The following GRIK4 variants were observed in gnomAD, a reference collection of about 807,000 sequenced individuals.
GRIK4 encodes glutamate ionotropic receptor kainate type subunit 4, also known as glutamate receptor ionotropic, kainate 4.
Under a neutral mutation model 104.9 loss-of-function variants are expected in GRIK4, and 40 were observed. That is an observed-to-expected ratio of 0.38 (90% CI 0.30 to 0.50). The LOEUF is 0.50. Ranked by LOEUF, GRIK4 falls within the 20% of genes least tolerant of loss-of-function variation. The pLI is 0.93. For missense variants in GRIK4, 1,047 were observed against 1,308.1 expected (o/e 0.80, Z 3.08); for synonymous variants, 485 against 524.9 (o/e 0.92, Z 1.04).
At chr11:120,642,890 G>A (rs1006530904) in intron 1 of GRIK4, among the ~76,000 whole-genome samples, 15 of 152,098 alleles carry the variant, frequency 9.9e-5, no homozygotes, top group Non-Finnish European at 1.8e-4. Context: ...TTAAATCTAC[G>A]TGCTCCTGAG....
rs140169427 is a variant in GRIK4, at chr11:120,528,713, G to C, written c.-159+16826G>C. On this transcript the variant is annotated intron_variant, in intron 1 of 20. Coordinates refer to ENST00000527524, the MANE Select transcript of GRIK4 (RefSeq NM_014619.5). ...TTACATGAATGGCAGCAGGCAAAGA[G>C]AGAGCTTGTGCAGGGAAACTGCCCC... Among the ~76,000 whole-genome samples the C allele has an allele frequency of 7.2e-3, 1,098 of 152,330 alleles. 14 individuals carry two copies. Among genetic ancestry groups the C allele is most frequent in the African/African-American group, 0.019 (802 of 41,570 alleles).
chr11:120,895,587 G>T (rs1942555889), intron 11 of GRIK4, among the ~76,000 whole-genome samples: 1 of 152,076 alleles, frequency 6.6e-6, no homozygotes, highest in South Asian at 2.1e-4. Context: ...TTAAGTGAAG[G>T]GCACATTCGT....
chr11:120,758,790 G>T (rs1025288103), intron 3 of GRIK4, among the ~76,000 whole-genome samples: 1 of 152,176 alleles, frequency 6.6e-6, no homozygotes. Context: ...ATAAATGGGA[G>T]TGTCTTGGTG....
chr11:120,797,745 G>A (rs552327009), intron 3 of GRIK4, among the ~76,000 whole-genome samples: 1 of 152,316 alleles, frequency 6.6e-6, no homozygotes, highest in African/African-American at 2.4e-5. Flanking sequence ...TAGTGAGTTG[G>A]CAATGACCTG....
chr11:120,652,166 G>A (rs894931936), intron 1 of GRIK4, among the ~76,000 whole-genome samples: 8 of 152,210 alleles, frequency 5.3e-5, no homozygotes, highest in Admixed American at 2.0e-4. Flanking sequence ...GTCTGAAGTA[G>A]TACTTTGCAT....
chr11:120,621,447 C>G (rs1312249502), intron 1 of GRIK4, among the ~76,000 whole-genome samples: 1 of 152,146 alleles, frequency 6.6e-6, no homozygotes, highest in East Asian at 1.9e-4. Flanking sequence ...AAACCCCCTC[C>G]CAGCTCATCA....
intron 3 of GRIK4, among the ~76,000 whole-genome samples, chr11:120,717,061 G>C (rs1357070068): frequency 6.6e-6 from 1 of 152,194 alleles, no homozygotes; most frequent in Admixed American, 6.5e-5. Flanking sequence ...TGCGGCGGTG[G>C]CTCCTCGTCG....
intron 1 of GRIK4, among the ~76,000 whole-genome samples, chr11:120,517,737 G>T (rs1565535148): frequency 6.6e-6 from 1 of 152,142 alleles, no homozygotes; most frequent in South Asian, 2.1e-4. Context: ...TCCCAGTTGA[G>T]TGTGATAGTC....
At chr11:120,694,619 G>A (rs1360386591) in intron 3 of GRIK4, among the ~76,000 whole-genome samples, 1 of 152,120 alleles carries the variant, frequency 6.6e-6, no homozygotes, top group Non-Finnish European at 1.5e-5. Flanking sequence ...GCTTCCTGAG[G>A]TCCCTGCCAG....
chr11:120,916,870 C>T (rs768165691), intron 13 of GRIK4, among the ~76,000 whole-genome samples: 2 of 152,186 alleles, frequency 1.3e-5, no homozygotes, highest in Non-Finnish European at 2.9e-5. Context: ...CTTCTGGTCT[C>T]AAGCATTTCA....
intron 1 of GRIK4, among the ~76,000 whole-genome samples, chr11:120,615,942 T>G (rs1055877152): frequency 6.6e-6 from 1 of 151,170 alleles, no homozygotes; most frequent in Admixed American, 6.6e-5. Flanking sequence ...ATCCCAGGAG[T>G]TGGGGAGAAG....
intron 1 of GRIK4, among the ~76,000 whole-genome samples, chr11:120,572,646 G>A (rs1948416409): frequency 6.6e-6 from 1 of 152,184 alleles, no homozygotes; most frequent in Non-Finnish European, 1.5e-5. Flanking sequence ...TCCAGGTAGA[G>A]TGGGAGCAAA....
chr11:120,557,038 G>A (rs1433091814), intron 1 of GRIK4, among the ~76,000 whole-genome samples: 3 of 152,058 alleles, frequency 2.0e-5, no homozygotes, highest in South Asian at 2.1e-4. Flanking sequence ...AGAAGGCACC[G>A]ACCTCTGACT....
intron 1 of GRIK4, among the ~76,000 whole-genome samples, chr11:120,572,228 C>T (rs1262164317): frequency 1.3e-5 from 2 of 152,190 alleles, no homozygotes; most frequent in African/African-American, 4.8e-5. Flanking sequence ...GATCTAGTCA[C>T]ATCCCAAAGC....
At chr11:120,760,508 A>G (rs1951731169) in intron 3 of GRIK4, among the ~76,000 whole-genome samples, 1 of 151,798 alleles carries the variant, frequency 6.6e-6, no homozygotes, top group African/African-American at 2.4e-5. Context: ...CAGGTTTGTT[A>G]CATAGGTATA....
intron 19 of GRIK4, among the ~76,000 whole-genome samples, chr11:120,976,056 A>G (rs1036710832): frequency 7.2e-5 from 11 of 152,238 alleles, no homozygotes; most frequent in Non-Finnish European, 1.5e-5. Context: ...AATCAAATTG[A>G]TCTAGAATTC....
At chr11:120,976,380 C>T (rs530895201) in intron 19 of GRIK4, among the ~76,000 whole-genome samples, 6 of 152,290 alleles carry the variant, frequency 3.9e-5, no homozygotes, top group African/African-American at 1.4e-4. Context: ...TTGGTGAATA[C>T]AAGAAGAAAT....
intron 11 of GRIK4, among the ~76,000 whole-genome samples, chr11:120,879,116 T>G (rs1702875648): frequency 6.6e-6 from 1 of 152,238 alleles, no homozygotes; most frequent in Non-Finnish European, 1.5e-5. Context: ...GGTCCCGCTA[T>G]TAGCAAGGAC....
chr11:120,607,301 C>T (rs746119548), intron 1 of GRIK4, among the ~76,000 whole-genome samples: 1 of 152,144 alleles, frequency 6.6e-6, no homozygotes, highest in Non-Finnish European at 1.5e-5. Context: ...GGTTGAGGGG[C>T]GATCATGGGA....
Sources: allele counts gnomAD v4.1 joint callset (sites outside exome capture counted in the v4.1 genomes callset), GRCh38; gene constraint gnomAD v4.1.1; transcripts MANE v1.5; gene names NCBI Gene and HGNC (gene_info 2026-07-23, HGNC 2026-07-21).